Variants in EEPD1 observed in about 807,000 individuals in gnomAD.
EEPD1 encodes the protein endonuclease/exonuclease/phosphatase family domain-containing protein 1.
A neutral mutation model predicts 46.3 loss-of-function variants in EEPD1; 17 were observed. The ratio of observed to expected loss-of-function variants is 0.37; its 90% CI spans 0.25 to 0.55. The LOEUF (loss-of-function observed/expected upper bound fraction) is 0.55. EEPD1 is among the 20% of genes least tolerant of loss of function. EEPD1 has a pLI of 0.83. For synonymous variants in EEPD1, 313 were observed against 315.6 expected, an observed-to-expected ratio of 0.99 and a Z score of 0.09; for missense variants, 673 against 745.6, an observed-to-expected ratio of 0.90 and a Z score of 1.13.
At chr7:36,230,904 T>C (rs1473853514) in intron 2 of EEPD1, 1 of 152,206 alleles carries the variant, frequency 6.6e-6, no homozygotes, top group Non-Finnish European at 1.5e-5. Context: ...CATATTGCTG[T>C]GTCTCATGGA....
chr7:36,297,319 CA>C, intron 7 of EEPD1, 132 bp downstream of exon 7: 1 of 1,030,342 alleles, frequency 9.7e-7, no homozygotes, highest in East Asian at 2.6e-5. Flanking sequence ...GTATAACTGT[CA>C]TTTAATCAGA....
chr7:36,183,012 G>A (rs1183065239), intron 2 of EEPD1, among the ~76,000 whole-genome samples: 2 of 151,538 alleles, frequency 1.3e-5, no homozygotes, highest in Non-Finnish European at 2.9e-5. Flanking sequence ...GGTGAGCAGG[G>A]CCAGCCTGGG....
At chr7:36,297,218 G>A in intron 7 of EEPD1, 31 bp downstream of exon 7, 11 of 1,608,324 alleles carry the variant, frequency 6.8e-6, no homozygotes, top group Non-Finnish European at 9.4e-6. Flanking sequence ...CCTTTCTCCT[G>A]TTCAGGAATG....
At chr7:36,169,276 GTTAAT>G (rs1785040239) in intron 2 of EEPD1, among the ~76,000 whole-genome samples, 1 of 152,108 alleles carries the variant, frequency 6.6e-6, no homozygotes, top group South Asian at 2.1e-4. Flanking sequence ...TTTATTTTAT[GTTAAT>G]TTAAGTTTAA....
chr7:36,246,531 C>G (rs1276831255), intron 3 of EEPD1, among the ~76,000 whole-genome samples: 2 of 152,216 alleles, frequency 1.3e-5, no homozygotes, highest in African/African-American at 4.8e-5. Flanking sequence ...TGGTCGTCAT[C>G]ATCATCATCA....
chr7:36,226,359 C>A (rs1190228263), intron 2 of EEPD1, among the ~76,000 whole-genome samples: 1 of 152,170 alleles, frequency 6.6e-6, no homozygotes, highest in African/African-American at 2.4e-5. Context: ...CCTTAGTCAC[C>A]TCTGCTCCCG....
intron 2 of EEPD1, among the ~76,000 whole-genome samples, chr7:36,175,244 GC>G (rs1244394956): frequency 6.6e-6 from 1 of 152,200 alleles, no homozygotes; most frequent in African/African-American, 2.4e-5. Context: ...TGATTTAACA[GC>G]CCTCACAGAT....
chr7:36,258,435 T>C (rs995577078), intron 3 of EEPD1, among the ~76,000 whole-genome samples: 39 of 152,206 alleles, frequency 2.6e-4, no homozygotes, highest in African/African-American at 8.9e-4. Flanking sequence ...CAGCCACCCC[T>C]TCCCCCAGGT....
intron 3 of EEPD1, among the ~76,000 whole-genome samples, chr7:36,266,918 G>A (rs758297333): frequency 6.6e-6 from 1 of 152,020 alleles, no homozygotes; most frequent in Non-Finnish European, 1.5e-5. Flanking sequence ...GCTTTTTCAC[G>A]GCTGAGTAAT....
chr7:36,272,300 A>G (rs1218433227), intron 3 of EEPD1, among the ~76,000 whole-genome samples: 3 of 152,196 alleles, frequency 2.0e-5, no homozygotes, highest in African/African-American at 2.4e-5. Flanking sequence ...CCTTTGGAAC[A>G]TTCCTAAAGG....
At chr7:36,264,025 A>C (rs1786973182) in intron 3 of EEPD1, among the ~76,000 whole-genome samples, 1 of 152,208 alleles carries the variant, frequency 6.6e-6, no homozygotes, top group African/African-American at 2.4e-5. Context: ...ATTTATGAAA[A>C]AATTATATAT....
chr7:36,263,023 G>C (rs1246482759), intron 3 of EEPD1, among the ~76,000 whole-genome samples: 2 of 152,130 alleles, frequency 1.3e-5, no homozygotes, highest in Non-Finnish European at 2.9e-5. Flanking sequence ...AGGAGACTCT[G>C]TCTCTACAAG....
At chr7:36,283,423 G>A (rs945612209) in intron 4 of EEPD1, among the ~76,000 whole-genome samples, 1 of 152,172 alleles carries the variant, frequency 6.6e-6, no homozygotes, top group African/African-American at 2.4e-5. Flanking sequence ...TTGGGCGGAA[G>A]ATGACTCGAG....
At position 36,225,008 on chromosome 7, in the gene EEPD1, G is replaced by A. The variant is rs1213401090; in HGVS notation, c.879-13977G>A. Among the ~76,000 whole-genome samples the A allele has an allele frequency of 2.0e-5, 3 of 152,036 alleles. No homozygotes were observed. Among genetic ancestry groups the A allele is most frequent in the Admixed American group, 1.3e-4 (2 of 15,270 alleles). On this transcript the variant is annotated intron_variant, in intron 2 of 7. Coordinates refer to ENST00000242108, the MANE Select transcript of EEPD1 (RefSeq NM_030636.3). This position sits in a 1 kb window ranked among gnomAD's most constrained non-coding sequence, Gnocchi z 4.2. ...GACATGACCATGGCGACAGACTGGAGTGATGAGGCCAAAAACAAGGAATGC... is the reference window on the plus strand; with the variant it reads ...GACATGACCATGGCGACAGACTGGAATGATGAGGCCAAAAACAAGGAATGC...
chr7:36,273,129 TACACACACACAC>T (rs10578694), intron 3 of EEPD1, among the ~76,000 whole-genome samples: 2 of 148,436 alleles, frequency 1.3e-5, no homozygotes, highest in Admixed American at 6.7e-5. Flanking sequence ...GGTGCATGCT[TACACACACACAC>T]ACACACACAC....
At chr7:36,236,330 G>C (rs1277886855) in intron 2 of EEPD1, among the ~76,000 whole-genome samples, 4 of 152,234 alleles carry the variant, frequency 2.6e-5, no homozygotes, top group African/African-American at 9.6e-5. Flanking sequence ...CGGGCCACGG[G>C]TTCCAGGTGA....
intron 3 of EEPD1, among the ~76,000 whole-genome samples, chr7:36,239,382 C>T (rs968899601): frequency 1.3e-5 from 2 of 151,952 alleles, no homozygotes; most frequent in African/African-American, 4.8e-5. Context: ...GTGTTGGCCA[C>T]CTCACTGCAT....
intron 6 of EEPD1, among the ~76,000 whole-genome samples, chr7:36,291,055 A>AGCT (rs1787422940): frequency 6.6e-6 from 1 of 152,202 alleles, no homozygotes; most frequent in Non-Finnish European, 1.5e-5. Flanking sequence ...AGCTACACAG[A>AGCT]GCTGGCTCTA....
At chr7:36,294,468 G>T (rs887813886) in intron 6 of EEPD1, among the ~76,000 whole-genome samples, 6 of 152,226 alleles carry the variant, frequency 3.9e-5, no homozygotes, top group Non-Finnish European at 7.4e-5. Context: ...GTAAATTCTA[G>T]GCAAGCTAAA....
Sources: allele counts gnomAD v4.1 joint callset (sites outside exome capture counted in the v4.1 genomes callset), GRCh38; gene constraint gnomAD v4.1.1; non-coding constraint Gnocchi (gnomAD v3.1); transcripts MANE v1.5; gene names NCBI Gene and HGNC (gene_info 2026-07-23, HGNC 2026-07-21).